The following HS3ST4 variants were observed in gnomAD, a reference collection of about 807,000 sequenced individuals.
The protein encoded by HS3ST4 is heparan sulfate-glucosamine 3-sulfotransferase 4.
HS3ST4 carries 17 observed loss-of-function variants against 29.2 expected under a neutral mutation model. The observed-to-expected ratio is 0.58, with a 90% CI of 0.40 to 0.87. The LOEUF is 0.87. Among genes scored for constraint, HS3ST4 ranks in the 40% least tolerant of loss-of-function variants. The probability of loss-of-function intolerance (pLI) is 0.00; values close to 1 mark genes in which losing one functional copy is unlikely to be tolerated. For synonymous variants in HS3ST4, 314 were observed against 285.7 expected, an observed-to-expected ratio of 1.10 and a Z score of -1.00; for missense variants, 627 against 634.5, an observed-to-expected ratio of 0.99 and a Z score of 0.13.
At chr16:25,862,163 A>ATATT (rs60894635) in intron 1 of HS3ST4, among the ~76,000 whole-genome samples, 36,472 of 144,300 alleles carry the variant, frequency 0.25, 4,733 homozygotes, top group East Asian at 0.31. Flanking sequence ...ATTTATTTAC[A>ATATT]TATTTATTTA....
chr16:25,952,632 G>C (rs1014417342), intron 1 of HS3ST4, among the ~76,000 whole-genome samples: 3 of 152,116 alleles, frequency 2.0e-5, no homozygotes, highest in Non-Finnish European at 4.4e-5. Context: ...CACATAAAAA[G>C]AATTTAAATA....
chr16:26,083,979 T>A (rs8049952), intron 1 of HS3ST4, among the ~76,000 whole-genome samples: 73,763 of 152,014 alleles, frequency 0.49, 18,103 homozygotes, highest in Middle Eastern at 0.56. Context: ...TGTCAAATAC[T>A]AGGGTCCTGA....
intron 1 of HS3ST4, among the ~76,000 whole-genome samples, chr16:25,936,713 C>G (rs2141690122): frequency 6.6e-6 from 1 of 152,356 alleles, no homozygotes; most frequent in African/African-American, 2.4e-5. Flanking sequence ...AAGGCTGGTC[C>G]TGGCCCTTAA....
intron 1 of HS3ST4, among the ~76,000 whole-genome samples, chr16:25,799,047 A>G (rs1203948316): frequency 6.6e-6 from 1 of 152,198 alleles, no homozygotes; most frequent in Non-Finnish European, 1.5e-5. Flanking sequence ...TGGCTGTGCT[A>G]CTTGAATACC....
chr16:26,060,183 C>T (rs1244956827), intron 1 of HS3ST4, among the ~76,000 whole-genome samples: 6 of 152,080 alleles, frequency 3.9e-5, no homozygotes, highest in Non-Finnish European at 2.9e-5. Flanking sequence ...AGCCCTGCCC[C>T]GAAGAAAGAC....
intron 1 of HS3ST4, among the ~76,000 whole-genome samples, chr16:25,779,527 C>T (rs6416630): frequency 0.62 from 94,148 of 152,032 alleles, 29,434 homozygotes; most frequent in South Asian, 0.76. Flanking sequence ...CATTTACTAC[C>T]TGTCCACTTC....
intron 1 of HS3ST4, among the ~76,000 whole-genome samples, chr16:26,087,204 A>G (rs545813932): frequency 3.3e-5 from 5 of 152,350 alleles, no homozygotes; most frequent in African/African-American, 1.2e-4. Flanking sequence ...TGACCATTAA[A>G]GTAGGTGGCA....
intron 1 of HS3ST4, among the ~76,000 whole-genome samples, chr16:25,792,026 A>G (rs571716451): frequency 6.7e-4 from 102 of 152,088 alleles, no homozygotes; most frequent in African/African-American, 2.3e-3. Flanking sequence ...GATTTTAAGA[A>G]CATTTCATTT....
chr16:25,730,862 TTC>T (rs2141593547), intron 1 of HS3ST4, among the ~76,000 whole-genome samples: 1 of 152,260 alleles, frequency 6.6e-6, no homozygotes, highest in African/African-American at 2.4e-5. Context: ...CACCTTTGTG[TTC>T]TGTGATTTAC....
At chr16:25,769,684 G>C (rs1035345925) in intron 1 of HS3ST4, among the ~76,000 whole-genome samples, 1 of 152,170 alleles carries the variant, frequency 6.6e-6, no homozygotes, top group Non-Finnish European at 1.5e-5. Context: ...ATATTTAGCT[G>C]TTAGTACTTG....
At chr16:26,056,040 CAGAGAG>C (rs55688033) in intron 1 of HS3ST4, among the ~76,000 whole-genome samples, 20,117 of 147,654 alleles carry the variant, frequency 0.14, 1,675 homozygotes, top group Admixed American at 0.22. Flanking sequence ...AAGAGAGAGA[CAGAGAG>C]AGAGAGAGAG....
intron 1 of HS3ST4, among the ~76,000 whole-genome samples, chr16:25,729,859 G>A (rs1306545960): frequency 6.6e-6 from 1 of 152,152 alleles, no homozygotes; most frequent in African/African-American, 2.4e-5. Flanking sequence ...TCGGGTACAG[G>A]TATGGAGTTT....
rs149828302 is a variant in HS3ST4 at position 25,979,992 on chromosome 16, C to T, written c.735-155620C>T. Among the ~76,000 whole-genome samples, 1,330 of 152,300 alleles carry T rather than the reference C, an allele frequency of 8.7e-3. 9 individuals carry two copies. Among genetic ancestry groups the T allele is most frequent in the Non-Finnish European group, 0.014 (925 of 68,020 alleles). On this transcript the variant is annotated intron_variant, in intron 1 of 1. Transcript: ENST00000331351. ...CATTCCATTTTCATTGCAACCACTT[C>T]GGATCCTATCACCTCTCCCTCAGAT... is the stretch of plus-strand genomic sequence containing the variant.
At chr16:26,097,128 G>T (rs1487367550) in intron 1 of HS3ST4, among the ~76,000 whole-genome samples, 1 of 152,160 alleles carries the variant, frequency 6.6e-6, no homozygotes, top group Non-Finnish European at 1.5e-5. Flanking sequence ...TGGATAGGAA[G>T]AATCAATACC....
At chr16:25,827,609 G>A (rs767260821) in intron 1 of HS3ST4, among the ~76,000 whole-genome samples, 4 of 150,694 alleles carry the variant, frequency 2.7e-5, no homozygotes, top group Non-Finnish European at 5.9e-5. Context: ...GTAATCATTT[G>A]GACATAAAGT....
At chr16:26,063,518 A>G (rs1898505604) in intron 1 of HS3ST4, among the ~76,000 whole-genome samples, 1 of 151,146 alleles carries the variant, frequency 6.6e-6, no homozygotes, top group Non-Finnish European at 1.5e-5. Context: ...CTCTACTGAA[A>G]AAAAAAAAAA....
chr16:25,913,700 G>T (rs886509366), intron 1 of HS3ST4, among the ~76,000 whole-genome samples: 3 of 152,114 alleles, frequency 2.0e-5, no homozygotes, highest in Non-Finnish European at 1.5e-5. Context: ...CAAAGGCAGA[G>T]AGCATGTGTG....
chr16:26,063,281 C>T (rs1158013243), intron 1 of HS3ST4, among the ~76,000 whole-genome samples: 3 of 152,170 alleles, frequency 2.0e-5, no homozygotes, highest in Admixed American at 1.3e-4. Flanking sequence ...TCCCCAACAT[C>T]TTCCTCCCCA....
intron 1 of HS3ST4, among the ~76,000 whole-genome samples, chr16:26,051,058 C>T (rs1195405788): frequency 6.6e-6 from 1 of 152,090 alleles, no homozygotes; most frequent in African/African-American, 2.4e-5. Context: ...TGTGTTCATC[C>T]AGAGAGGTGT....
Sources: gnomAD v4.1 joint callset for allele counts (sites outside exome capture counted in the v4.1 genomes callset) on GRCh38, gnomAD v4.1.1 for gene constraint, MANE v1.5 for transcripts, NCBI Gene and HGNC (gene_info 2026-07-23, HGNC 2026-07-21) for gene names.